ASH1L: variants seen among roughly 807,000 people sequenced by gnomAD.
ASH1L encodes ASH1 like histone lysine methyltransferase, also known as histone-lysine N-methyltransferase ASH1L.
ASH1L carries 23 observed loss-of-function variants against 269.0 expected under a neutral mutation model. That is an observed-to-expected ratio of 0.09 (90% CI 0.06 to 0.12). The LOEUF is 0.12. Among genes scored for constraint, ASH1L ranks in the 10% least tolerant of loss-of-function variants. The pLI, the probability that ASH1L is intolerant of heterozygous loss-of-function variation, is 1.00. For missense variants in ASH1L, 2,912 were observed against 3,567.8 expected (o/e 0.82, Z 4.68); for synonymous variants, 1,187 against 1,253.5 (o/e 0.95, Z 1.12).
chr1:155,426,376 ATTTT>A (rs1163256337), intron 5 of ASH1L, among the ~76,000 whole-genome samples: 1 of 151,260 alleles, frequency 6.6e-6, no homozygotes, highest in East Asian at 2.0e-4. Context: ...AGCTTTTTGT[ATTTT>A]TTAGTAGAGA....
intron 6 of ASH1L, among the ~76,000 whole-genome samples, chr1:155,397,884 A>C (rs1404987289): frequency 6.6e-6 from 1 of 152,184 alleles, no homozygotes; most frequent in Non-Finnish European, 1.5e-5. Flanking sequence ...AATTCATAAA[A>C]CAGGTAATAA....
intron 1 of ASH1L, among the ~76,000 whole-genome samples, chr1:155,549,278 G>T (rs1393389505): frequency 6.6e-6 from 1 of 152,126 alleles, no homozygotes; most frequent in Non-Finnish European, 1.5e-5. Flanking sequence ...AGGAGTTTGA[G>T]GTTGCAGTGA....
chr1:155,436,645 C>T (rs980877919), intron 5 of ASH1L, among the ~76,000 whole-genome samples: 1 of 151,674 alleles, frequency 6.6e-6, no homozygotes, highest in Non-Finnish European at 1.5e-5. Flanking sequence ...TACAGGCACA[C>T]ACCACCACGC....
At chr1:155,422,009 A>G (rs1660725663) in intron 5 of ASH1L, among the ~76,000 whole-genome samples, 1 of 151,674 alleles carries the variant, frequency 6.6e-6, no homozygotes, top group Non-Finnish European at 1.5e-5. Flanking sequence ...TTAAAGAAAA[A>G]CTCTATTCCA....
intron 3 of ASH1L, 61 bp downstream of exon 3, chr1:155,477,825 G>T (rs1665673539): frequency 2.1e-6 from 3 of 1,461,928 alleles, no homozygotes; most frequent in Non-Finnish European, 2.7e-6. Flanking sequence ...CATTTATCAG[G>T]CACCTGTGGA....
intron 3 of ASH1L, among the ~76,000 whole-genome samples, chr1:155,460,860 A>C: frequency 6.6e-6 from 1 of 152,176 alleles, no homozygotes. Flanking sequence ...CAAAACCGCA[A>C]ATCTATAGAG....
At chr1:155,381,710 AC>A (rs1442042716) in intron 7 of ASH1L, among the ~76,000 whole-genome samples, 1 of 141,812 alleles carries the variant, frequency 7.1e-6, no homozygotes, top group Non-Finnish European at 1.5e-5. Context: ...CCCCAACTCT[AC>A]TAAAAATACA....
At chr1:155,500,883 G>A (rs1307785037) in intron 2 of ASH1L, among the ~76,000 whole-genome samples, 2 of 152,052 alleles carry the variant, frequency 1.3e-5, no homozygotes, top group Non-Finnish European at 2.9e-5. Context: ...CATGAGAATC[G>A]CTTGAACCTG....
At position 155,338,509 on chromosome 1, in the gene ASH1L, G is replaced by A. The variant is rs1406972334; in HGVS notation, c.8502-119C>T. 5.0e-6 allele frequency: 4 copies of A among 799,270 alleles called. No homozygotes were observed. The Admixed American group carries it at 9.0e-5, about 18-fold the overall frequency. The allele number at this position is 799,270 out of a possible 1,614,324, so 49.5% of individuals were successfully genotyped here. A position where few individuals can be genotyped will look rare whatever the true frequency, so the allele number is the denominator to read the frequency against. On this transcript the variant is annotated intron_variant, in intron 26 of 27. Transcript: ENST00000392403. ...TCCAGCAGTTAGAGCCTTAGCTTGA[G>A]GTAAGAAACTTGACTCTCGTTTTCA...
intron 1 of ASH1L, among the ~76,000 whole-genome samples, chr1:155,551,381 C>T (rs866447832): frequency 1.3e-5 from 2 of 152,132 alleles, no homozygotes; most frequent in South Asian, 2.1e-4. Flanking sequence ...GAATCTACGG[C>T]CGGGCGCAGT....
At chr1:155,384,003 G>A (rs1657202579) in intron 7 of ASH1L, among the ~76,000 whole-genome samples, 2 of 152,108 alleles carry the variant, frequency 1.3e-5, no homozygotes, top group African/African-American at 4.8e-5. Flanking sequence ...AGAGTAAATT[G>A]GATGGTCTGT....
At chr1:155,379,447 C>G (rs959485) in intron 8 of ASH1L, among the ~76,000 whole-genome samples, 4,044 of 152,136 alleles carry the variant, frequency 0.027, 200 homozygotes, top group African/African-American at 0.094. Context: ...TTCTATTTCC[C>G]AATGGTTGTT....
At chr1:155,377,739 G>C (rs1656580976) in intron 10 of ASH1L, among the ~76,000 whole-genome samples, 1 of 152,030 alleles carries the variant, frequency 6.6e-6, no homozygotes, top group Admixed American at 6.6e-5. Flanking sequence ...ATAGTAAAAG[G>C]ATTGGCTGGG....
intron 1 of ASH1L, among the ~76,000 whole-genome samples, chr1:155,534,437 G>A (rs1669909639): frequency 6.6e-6 from 1 of 151,236 alleles, no homozygotes; most frequent in Non-Finnish European, 1.5e-5. Flanking sequence ...AGAGGATGAG[G>A]GTGGAAAAAA....
chr1:155,365,213 G>T (rs1233676878), intron 12 of ASH1L, among the ~76,000 whole-genome samples: 2 of 150,024 alleles, frequency 1.3e-5, no homozygotes, highest in African/African-American at 2.4e-5. Flanking sequence ...TGACAGCTTT[G>T]TTTTTTTTTG....
chr1:155,383,876 G>A (rs1187748023), intron 7 of ASH1L, among the ~76,000 whole-genome samples: 2 of 152,100 alleles, frequency 1.3e-5, no homozygotes, highest in African/African-American at 4.8e-5. Context: ...CAATGCGAAT[G>A]TACCTAATGA....
At chr1:155,349,120 A>C (rs905052861) in intron 19 of ASH1L, among the ~76,000 whole-genome samples, 1 of 151,968 alleles carries the variant, frequency 6.6e-6, no homozygotes, top group African/African-American at 2.4e-5. Context: ...GAATGATTTA[A>C]CCTTCCATTC....
chr1:155,446,074 G>C (rs1265757287), intron 4 of ASH1L, among the ~76,000 whole-genome samples: 1 of 148,108 alleles, frequency 6.8e-6, no homozygotes, highest in East Asian at 2.0e-4. Flanking sequence ...AGTAGAGACG[G>C]GGTTTCACCA....
intron 24 of ASH1L, among the ~76,000 whole-genome samples, chr1:155,342,611 C>A (rs1652911821): frequency 6.6e-6 from 1 of 152,146 alleles, no homozygotes; most frequent in African/African-American, 2.4e-5. Context: ...CTAATAGTGA[C>A]AAATAACATA....
Sources: gnomAD v4.1 joint callset for allele counts (sites outside exome capture counted in the v4.1 genomes callset) on GRCh38, gnomAD v4.1.1 for gene constraint, MANE v1.5 for transcripts, NCBI Gene and HGNC (gene_info 2026-07-23, HGNC 2026-07-21) for gene names.